Variants in SYNE2 observed in about 807,000 individuals in gnomAD.
SYNE2 encodes the protein spectrin repeat containing nuclear envelope protein 2, also known as nesprin-2.
Under a neutral mutation model 856.3 loss-of-function variants are expected in SYNE2, and 431 were observed. The observed-to-expected ratio is 0.50, with a 90% confidence interval of 0.47 to 0.55. The LOEUF (loss-of-function observed/expected upper bound fraction) is 0.55. Among genes scored for constraint, SYNE2 ranks in the 20% least tolerant of loss-of-function variants. The probability of loss-of-function intolerance (pLI) is 0.00; values close to 1 mark genes in which losing one functional copy is unlikely to be tolerated. For synonymous variants in SYNE2, 2,923 were observed against 2,872.3 expected, an observed-to-expected ratio of 1.02 and a Z score of -0.56; for missense variants, 8,129 against 8,023.2, an observed-to-expected ratio of 1.01 and a Z score of -0.50.
chr14:64,151,621 A>G (rs2098245117), intron 84 of SYNE2, among the ~76,000 whole-genome samples: 1 of 152,040 alleles, frequency 6.6e-6, no homozygotes, highest in Admixed American at 6.6e-5. Context: ...GAAATAGAAC[A>G]TGAGCTAAGG....
At position 63,902,824 on chromosome 14, in the gene SYNE2, G is replaced by A. The variant is rs115223967; in HGVS notation, c.-51-6274G>A. On this transcript the variant is annotated intron_variant, in intron 1 of 115. Transcript: ENST00000555002. ...GGTGGGAACCTCAGCCTCTGGAGTA[G>A]CTAGGACTACAGGTGTATGCCACTA... 4.4e-3 allele frequency among the ~76,000 whole-genome samples: 668 copies of A among 152,146 alleles called. 1 individual carries two copies. Among genetic ancestry groups the A allele is most frequent in the African/African-American group, 0.016 (645 of 41,524 alleles).
rs1211797991 is a variant in SYNE2, at chr14:63,990,448, T to G, written c.2351T>G (p.Met784Arg). The change falls in exon 20 of 116, where the codon ATG (methionine) becomes AGG (arginine). Residue 784 changes from methionine to arginine, a missense_variant. Coordinates refer to ENST00000555002, the MANE Select transcript of SYNE2 (RefSeq NM_182914.3). The stretch of plus-strand genomic sequence containing the variant: ...AAAGGCTCTATGTTTGATGAGCTTA[T>G]GGCAAGAAGTGAAGATATGTTACAA... The part of the protein sequence containing the change: ...IAKGSMFDEL[M>R]ARSEDMLQMD... The G allele has an allele frequency of 6.2e-7, 1 of 1,613,450 alleles. No individual in the cohort carries two copies. Among genetic ancestry groups the G allele is most frequent in the Non-Finnish European group, 8.5e-7 (1 of 1,179,936 alleles).
intron 45 of SYNE2, among the ~76,000 whole-genome samples, chr14:64,045,483 T>C (rs1045233208): frequency 3.3e-5 from 5 of 152,076 alleles, no homozygotes; most frequent in African/African-American, 1.2e-4. Context: ...AACCATCAGA[T>C]AGAAAGGAGA....
intron 1 of SYNE2, among the ~76,000 whole-genome samples, chr14:63,764,493 G>A (rs1042192693): frequency 1.3e-4 from 20 of 150,694 alleles, no homozygotes; most frequent in Non-Finnish European, 2.5e-4. Flanking sequence ...AACATAGTGG[G>A]ACCACCCCCT....
At chr14:64,089,746 C>G (rs960966684) in intron 59 of SYNE2, 50 bp downstream of exon 59, 1 of 1,404,516 alleles carries the variant, frequency 7.1e-7, no homozygotes, top group Non-Finnish European at 1.0e-6. Flanking sequence ...CTTATTATGT[C>G]TTTTTCAAAA....
chr14:63,889,726 C>T (rs1467664933), intron 1 of SYNE2, among the ~76,000 whole-genome samples: 1 of 152,136 alleles, frequency 6.6e-6, no homozygotes, highest in Non-Finnish European at 1.5e-5. Flanking sequence ...GATCCTCCCA[C>T]CTTGGCCTCC....
chr14:64,021,201 G>T, intron 35 of SYNE2, 114 bp from the exon 36 acceptor site: 2 of 828,984 alleles, frequency 2.4e-6, no homozygotes. Flanking sequence ...GCAATGAAAA[G>T]AATGCATTTC....
intron 64 of SYNE2, among the ~76,000 whole-genome samples, chr14:64,104,893 CTT>C (rs1169725006): frequency 3.3e-5 from 5 of 152,150 alleles, no homozygotes; most frequent in Admixed American, 2.6e-4. Flanking sequence ...TCGTGATAGA[CTT>C]TTTTGGGATG....
intron 81 of SYNE2, 65 bp from the exon 82 acceptor site, chr14:64,141,877 T>C (rs2098141864): frequency 1.9e-6 from 3 of 1,583,040 alleles, no homozygotes; most frequent in Non-Finnish European, 2.6e-6. Flanking sequence ...ATATCATCTT[T>C]AGTGATGCTC....
chr14:64,165,169 G>A (rs926670937), intron 89 of SYNE2, 116 bp from the exon 90 acceptor site: 3 of 1,070,812 alleles, frequency 2.8e-6, no homozygotes, highest in African/African-American at 3.1e-5. Context: ...TTACAGCCAT[G>A]AGCCACCGTG....
intron 99 of SYNE2, chr14:64,190,808 A>T (rs1164892647): frequency 1.5e-6 from 1 of 671,434 alleles, no homozygotes; most frequent in Non-Finnish European, 2.7e-6. Context: ...TCAAAGCTAT[A>T]TTGGCCAGTG....
intron 96 of SYNE2, among the ~76,000 whole-genome samples, chr14:64,180,939 A>G (rs2098455000): frequency 6.6e-6 from 1 of 152,258 alleles, no homozygotes; most frequent in Non-Finnish European, 1.5e-5. Context: ...GCTGATGCCT[A>G]GAAATGTAAT....
chr14:63,974,890 G>GTATCTATATATATATATATATATA (rs1281921502), intron 11 of SYNE2, among the ~76,000 whole-genome samples: 1 of 27,504 alleles, frequency 3.6e-5, no homozygotes, highest in Non-Finnish European at 7.1e-5. Flanking sequence ...GTGTGTGTGT[G>GTATCTATATATATATATATATATA]TGTATATATA....
At position 64,201,199 on chromosome 14, in the gene SYNE2, C is replaced by T. The variant is rs535021087; in HGVS notation, c.18039-1602C>T. Among the ~76,000 whole-genome samples, 58 of 152,278 alleles carry T rather than the reference C, an allele frequency of 3.8e-4. 2 individuals carry two copies. In the South Asian group the frequency reaches 0.012, roughly 32 times the overall value. Reference sequence around the variant, plus strand: ...CCAGGTCTGCTTGCCTCTGGAGTTCCGGCCCTCACCTCACCCGATGCTACC... The same window carrying T: ...CCAGGTCTGCTTGCCTCTGGAGTTCTGGCCCTCACCTCACCCGATGCTACC... On this transcript the variant is annotated intron_variant, in intron 99 of 115. Transcript: ENST00000555002.
At position 64,169,095 on chromosome 14, in the gene SYNE2, C is replaced by T. The variant is rs1191686307; in HGVS notation, c.17000+124C>T. On this transcript the variant is annotated intron_variant, in intron 93 of 115. Transcript: ENST00000555002. ...CCCTGTGCCCTGTTGGTTGACAGAT[C>T]ACCATAGGACCAGGCTTCTAACTAT... The T allele has an allele frequency of 4.0e-6, 3 of 745,440 alleles. No individual in the cohort carries two copies. The African/African-American group carries it at 5.2e-5, about 13-fold the overall frequency. The allele number at this position is 745,440 out of a possible 1,614,324, so 46.2% of individuals were successfully genotyped here. A position where few individuals can be genotyped will look rare whatever the true frequency, so the allele number is the denominator to read the frequency against.
Position 64,142,422 on chromosome 14 carries a change from C to T in SYNE2, c.15306+334C>T, listed in dbSNP as rs78662366. On this transcript the variant is annotated intron_variant, in intron 82 of 115. Coordinates refer to ENST00000555002, the MANE Select transcript of SYNE2 (RefSeq NM_182914.3). ...TCCTTAACTGTTCTTGGTGCTCTCC[C>T]TTATCATCCTGTGTACATGCTGCAC... 8.6e-3 allele frequency among the ~76,000 whole-genome samples: 1,304 copies of T among 152,252 alleles called. 17 individuals are homozygous for T. The highest frequency in any genetic ancestry group is 0.03 in the African/African-American group (1,244 of 41,530).
chr14:64,082,826 C>T (rs151210369), intron 57 of SYNE2, among the ~76,000 whole-genome samples: 2 of 152,276 alleles, frequency 1.3e-5, no homozygotes, highest in East Asian at 3.9e-4. Context: ...ACCATGATTC[C>T]AAATTTCCTG....
chr14:64,190,362 GT>G lies in SYNE2; in HGVS notation c.18038+128del, dbSNP rs1596108376. Reference sequence around the variant, plus strand: ...TTATAAGTTTACAGATTAAGGCAAAGTTTGATAAAAATGAGTGGAAATTCTT... The same window carrying G: ...TTATAAGTTTACAGATTAAGGCAAAGTTGATAAAAATGAGTGGAAATTCTT... On this transcript the variant is annotated intron_variant, in intron 99 of 115. Coordinates refer to ENST00000555002, the MANE Select transcript of SYNE2 (RefSeq NM_182914.3). The G allele has an allele frequency of 2.0e-5, 25 of 1,270,972 alleles. No homozygotes were observed. The East Asian group carries it at 6.1e-4, about 31-fold the overall frequency. 78.7% of individuals were successfully genotyped at this position (1,270,972 alleles called of 1,614,324 possible). A position where few individuals can be genotyped will look rare whatever the true frequency, so the allele number is the denominator to read the frequency against.
At chr14:63,910,460 G>A (rs1360210998) in intron 2 of SYNE2, among the ~76,000 whole-genome samples, 2 of 152,090 alleles carry the variant, frequency 1.3e-5, no homozygotes, top group East Asian at 3.8e-4. Flanking sequence ...TTGTTGAGAG[G>A]TTATACTTGA....
Sources: allele counts gnomAD v4.1 joint callset (sites outside exome capture counted in the v4.1 genomes callset), GRCh38; gene constraint gnomAD v4.1.1; transcripts MANE v1.5; gene names NCBI Gene and HGNC (gene_info 2026-07-23, HGNC 2026-07-21).